The following FBXL18 variants were observed in gnomAD, a reference collection of about 807,000 sequenced individuals.
The protein encoded by FBXL18 is F-box/LRR-repeat protein 18.
Under a neutral mutation model 46.0 loss-of-function variants are expected in FBXL18, and 36 were observed. The ratio of observed to expected loss-of-function variants is 0.78; its 90% CI spans 0.60 to 1.03. FBXL18 has a LOEUF of 1.03. Ranked by LOEUF, FBXL18 falls within the 50% of genes least tolerant of loss-of-function variation. The probability of loss-of-function intolerance (pLI) is 0.00; values close to 1 mark genes in which losing one functional copy is unlikely to be tolerated. For synonymous variants in FBXL18, 557 were observed against 465.3 expected (o/e 1.20, Z -2.54); for missense variants, 977 against 1,004.1 (o/e 0.97, Z 0.36).
intron 4 of FBXL18, among the ~76,000 whole-genome samples, chr7:5,488,744 C>T (rs10807949): frequency 0.4 from 60,700 of 152,060 alleles, 12,412 homozygotes; most frequent in South Asian, 0.48. Context: ...AGGCCCGAGG[C>T]TCTTCCCACA....
chr7:5,489,505 TC>T, intron 4 of FBXL18: 1 of 346,614 alleles, frequency 2.9e-6, no homozygotes, highest in Admixed American at 4.0e-5. Flanking sequence ...GCGCGGTGGC[TC>T]ACGCCTGTAA....
At chr7:5,485,875 G>A (rs1162562959) in intron 4 of FBXL18, among the ~76,000 whole-genome samples, 2 of 151,800 alleles carry the variant, frequency 1.3e-5, no homozygotes, top group African/African-American at 4.8e-5. Context: ...TCAACATGGT[G>A]AAACCCCATC....
downstream of FBXL18, among the ~76,000 whole-genome samples, chr7:5,471,625 T>C (rs999013739): frequency 6.6e-6 from 1 of 152,182 alleles, no homozygotes; most frequent in Non-Finnish European, 1.5e-5. Flanking sequence ...TTAGCCAGGA[T>C]GGTCTCGATC....
chr7:5,460,426 T>C (rs1287277870), intron 4 of FBXL18, among the ~76,000 whole-genome samples: 1 of 152,086 alleles, frequency 6.6e-6, no homozygotes, highest in Non-Finnish European at 1.5e-5. Context: ...TTCCTCCCCC[T>C]CCCTCAAATA....
At chr7:5,497,123 C>T (rs1221111418) in intron 3 of FBXL18, among the ~76,000 whole-genome samples, 2 of 151,250 alleles carry the variant, frequency 1.3e-5, no homozygotes, top group Non-Finnish European at 2.9e-5. Context: ...ATCACCTGAG[C>T]CAGAGAAGGT....
chr7:5,466,316 G>C (rs1165744365), intron 4 of FBXL18, among the ~76,000 whole-genome samples: 1 of 152,188 alleles, frequency 6.6e-6, no homozygotes, highest in Non-Finnish European at 1.5e-5. Context: ...GTCCGAGATA[G>C]GTCTCCCTGG....
At chr7:5,462,977 T>A (rs1285403677) in intron 4 of FBXL18, among the ~76,000 whole-genome samples, 1,247 of 32,934 alleles carry the variant, frequency 0.038, 28 homozygotes, top group Middle Eastern at 0.06. Flanking sequence ...AAAATATATA[T>A]ATATATATAT....
chr7:5,495,747 G>A (rs1475960046), intron 3 of FBXL18: 53 of 468,256 alleles, frequency 1.1e-4, no homozygotes, highest in Middle Eastern at 9.0e-4. Context: ...ACGGGCAAGC[G>A]AGTGCCACCT....
chr7:5,454,828 C>A (rs1401371500), intron 4 of FBXL18, among the ~76,000 whole-genome samples: 1 of 152,212 alleles, frequency 6.6e-6, no homozygotes, highest in African/African-American at 2.4e-5. Flanking sequence ...GGGCATAAGA[C>A]GCCTCCCCCA....
At chr7:5,484,983 T>C (rs1783737612) in intron 4 of FBXL18, among the ~76,000 whole-genome samples, 1 of 152,172 alleles carries the variant, frequency 6.6e-6, no homozygotes, top group Admixed American at 6.6e-5. Context: ...GATCTCACCA[T>C]GTTGCCCAGC....
intron 4 of FBXL18, among the ~76,000 whole-genome samples, chr7:5,457,429 C>T (rs1783188567): frequency 6.6e-6 from 1 of 152,192 alleles, no homozygotes; most frequent in South Asian, 2.1e-4. Context: ...CCTACCCTAC[C>T]ACTGCACATT....
At chr7:5,500,336 C>A (rs939440336) in intron 3 of FBXL18, 152 bp downstream of exon 3, 1 of 673,238 alleles carries the variant, frequency 1.5e-6, no homozygotes, top group Admixed American at 3.0e-5. Flanking sequence ...CCGCTCTCCC[C>A]AGAGCCCCGA....
At chr7:5,466,293 T>G (rs1292641139) in intron 4 of FBXL18, among the ~76,000 whole-genome samples, 2 of 152,098 alleles carry the variant, frequency 1.3e-5, no homozygotes, top group Non-Finnish European at 2.9e-5. Context: ...CTTACAGTCT[T>G]GGAGGGTCAG....
downstream of FBXL18, among the ~76,000 whole-genome samples, chr7:5,473,490 G>A (rs1048077181): frequency 2.6e-5 from 4 of 152,084 alleles, no homozygotes; most frequent in East Asian, 1.9e-4. Context: ...TGCCGGGTGC[G>A]GTGGTTCATG....
At chr7:5,464,429 G>A (rs750262383) in intron 4 of FBXL18, among the ~76,000 whole-genome samples, 1 of 151,904 alleles carries the variant, frequency 6.6e-6, no homozygotes, top group Non-Finnish European at 1.5e-5. Flanking sequence ...GCAGTGAGCC[G>A]AGATCACGCC....
chr7:5,502,041 A>AGAGGC lies in FBXL18; in HGVS notation c.238-15_238-11dup, dbSNP rs757163906. 2.3e-4 allele frequency: 361 copies of AGAGGC among 1,562,098 alleles called. No homozygotes were observed. Among genetic ancestry groups the AGAGGC allele is most frequent in the South Asian group, 4.9e-4 (41 of 84,270 alleles). ...CTTTGTCCTCGCTCGCCTGCGGGAC[A>AGAGGC]GAGGCAGGGTGGGGAGAGGAAGGAA... On this transcript the variant is annotated splice_polypyrimidine_tract_variant and intron_variant, in intron 2 of 4. Transcript: ENST00000382368.
rs1372509865 is a variant in FBXL18, at chr7:5,478,874, C to T, written c.*2901G>A. On this transcript the variant is annotated 3_prime_UTR_variant, in exon 5 of 5. Transcript: ENST00000382368. ...ACACGTGCACGCAGGCACACGCACG[C>T]AGGCACGGGGACAAGTGCTGACCAC... 6.6e-6 allele frequency: 1 copy of T among 152,296 alleles called. No individual in the cohort carries two copies. The highest frequency in any genetic ancestry group is 2.4e-5 in the African/African-American group (1 of 41,462). 9.4% of individuals were successfully genotyped at this position (152,296 alleles called of 1,614,324 possible).
rs576374322 is a variant in FBXL18 at position 5,478,943 on chromosome 7, G to A, written c.*2832C>T. ...ATATGGTCTGCTGCTTAACAGCCGA[G>A]CTCTGCCAATTGGGGACCATTAGGG... is the stretch of plus-strand genomic sequence containing the variant. On this transcript the variant is annotated 3_prime_UTR_variant, in exon 5 of 5. Coordinates refer to ENST00000382368, the MANE Select transcript of FBXL18 (RefSeq NM_024963.6). The A allele has an allele frequency of 6.6e-6, 1 of 152,394 alleles. No homozygotes were observed. Among genetic ancestry groups the A allele is most frequent in the Non-Finnish European group, 1.5e-5 (1 of 68,044 alleles). 9.4% of individuals were successfully genotyped at this position (152,394 alleles called of 1,614,324 possible).
chr7:5,512,103 G>A (rs1414647966), intron 1 of FBXL18, among the ~76,000 whole-genome samples: 1 of 150,520 alleles, frequency 6.6e-6, no homozygotes. Context: ...AAATTAGCTG[G>A]GCGTGGTGGC....
Sources: allele counts gnomAD v4.1 joint callset (sites outside exome capture counted in the v4.1 genomes callset), GRCh38; gene constraint gnomAD v4.1.1; transcripts MANE v1.5; gene names NCBI Gene and HGNC (gene_info 2026-07-23, HGNC 2026-07-21).